The following ABCG8 variants were observed in gnomAD, a reference collection of about 807,000 sequenced individuals.
The protein encoded by ABCG8 is ATP-binding cassette sub-family G member 8.
A neutral mutation model predicts 71.3 loss-of-function variants in ABCG8; 81 were observed. That is an observed-to-expected ratio of 1.14 (90% CI 0.95 to 1.37). ABCG8 has a LOEUF of 1.37. Ranked by LOEUF, ABCG8 falls within the 40% of genes most tolerant of loss-of-function variation. The pLI, the probability that ABCG8 is intolerant of heterozygous loss-of-function variation, is 0.00. For missense variants in ABCG8, 1,119 were observed against 866.2 expected (o/e 1.29, Z -3.66); for synonymous variants, 451 against 354.7 (o/e 1.27, Z -3.05).
rs548628085 is a variant in ABCG8 at position 43,879,272 on chromosome 2, A to G, written c.*1359A>G. ...AGAGGGCAGGAGAGGATGTTCCCAA[A>G]GGAAAATTAGAGTTTAGAATCAAAA... On this transcript the variant is annotated 3_prime_UTR_variant, in exon 13 of 13. Coordinates refer to ENST00000272286, the MANE Select transcript of ABCG8 (RefSeq NM_022437.3). The G allele has an allele frequency of 7.9e-5, 12 of 152,360 alleles. No individual in the cohort carries two copies. The highest frequency in any genetic ancestry group is 1.3e-4 in the Non-Finnish European group (9 of 68,176). 9.4% of individuals were successfully genotyped at this position (152,360 alleles called of 1,614,324 possible). A position where few individuals can be genotyped will look rare whatever the true frequency, so the allele number is the denominator to read the frequency against.
At chr2:43,869,077 A>G (rs966925939) in intron 6 of ABCG8, among the ~76,000 whole-genome samples, 2 of 151,248 alleles carry the variant, frequency 1.3e-5, no homozygotes, top group Non-Finnish European at 2.9e-5. Context: ...ATCTGGATAG[A>G]ATTCTCATTC....
rs1424318278 is a variant in ABCG8, at chr2:43,846,191, C to A, written c.202C>A (p.Leu68Met). The A allele has an allele frequency of 6.2e-7, 1 of 1,613,868 alleles. No individual in the cohort carries two copies. Among genetic ancestry groups the A allele is most frequent in the African/African-American group, 1.3e-5 (1 of 74,934 alleles). ...LASQVPWFEQ[L>M]AQFKMPWTSP... ...CTCTCAGGTCCCTTGGTTTGAGCAG[C>A]TGGCTCAGTTCAAGATGCCCTGGAC... The change falls in exon 3 of 13, where the codon CTG (leucine) becomes ATG (methionine). Residue 68 changes from leucine (L) to methionine (M), a missense_variant. Transcript: ENST00000272286.
At chr2:43,867,461 A>G (rs189179812) in intron 6 of ABCG8, among the ~76,000 whole-genome samples, 1,570 of 152,286 alleles carry the variant, frequency 0.01, 12 homozygotes, top group Middle Eastern at 0.017. Context: ...CCATCTGGAT[A>G]GAACTCTCAC....
Position 43,852,878 on chromosome 2 carries a change from C to T in ABCG8, c.964+10C>T. 6.2e-7 allele frequency: 1 copy of T among 1,613,722 alleles called. No individual in the cohort carries two copies. Among genetic ancestry groups the T allele is most frequent in the South Asian group, 1.1e-5 (1 of 91,062 alleles). ...CCTGCTGACTTCTATGGTGAGTCCC[C>T]AAGGCCAGCAGCCAGGGCCCTGGCA... is the stretch of plus-strand genomic sequence containing the variant. On this transcript the variant is annotated intron_variant, in intron 6 of 12. Transcript: ENST00000272286.
intron 6 of ABCG8, among the ~76,000 whole-genome samples, chr2:43,867,954 A>G (rs1202126724): frequency 6.6e-6 from 1 of 151,642 alleles, no homozygotes; most frequent in African/African-American, 2.4e-5. Context: ...TAGAATTCTC[A>G]CCATCTGGAT....
chr2:43,844,335 C>CCT (rs1395794349), intron 1 of ABCG8, among the ~76,000 whole-genome samples, 172 bp from the exon 2 acceptor site: 1 of 152,196 alleles, frequency 6.6e-6, no homozygotes, highest in Non-Finnish European at 1.5e-5. Flanking sequence ...TGTCAGCACT[C>CCT]CTATTTTCCC....
rs1412008152 is a variant in ABCG8, at chr2:43,880,600, C to T, written c.*2687C>T. On this transcript the variant is annotated 3_prime_UTR_variant, in exon 13 of 13. Coordinates refer to ENST00000272286, the MANE Select transcript of ABCG8 (RefSeq NM_022437.3). ...GTTTTGGTGATAAGTATGCTCTTTG[C>T]TTGTGGAACATCTCTGCTCCCAGGC... 6.6e-6 allele frequency: 1 copy of T among 151,432 alleles called. No individual in the cohort carries two copies. The highest frequency in any genetic ancestry group is 6.6e-5 in the Admixed American group (1 of 15,196). 9.4% of individuals were successfully genotyped at this position (151,432 alleles called of 1,614,324 possible).
At chr2:43,871,760 C>T (rs1347264628) in intron 6 of ABCG8, among the ~76,000 whole-genome samples, 1 of 152,248 alleles carries the variant, frequency 6.6e-6, no homozygotes, top group Non-Finnish European at 1.5e-5. Flanking sequence ...GAGGCTTCTG[C>T]AGATGTGGTC....
chr2:43,856,803 G>A (rs1669125757), intron 6 of ABCG8, among the ~76,000 whole-genome samples: 1 of 151,466 alleles, frequency 6.6e-6, no homozygotes. Flanking sequence ...TATCTGGATA[G>A]AATTCTCACC....
intron 2 of ABCG8, among the ~76,000 whole-genome samples, chr2:43,845,348 C>A (rs1327111446): frequency 6.6e-6 from 1 of 151,984 alleles, no homozygotes; most frequent in African/African-American, 2.4e-5. Context: ...AGCCAATGAG[C>A]CTTTCTCTGC....
intron 10 of ABCG8, 44 bp downstream of exon 10, chr2:43,874,527 G>T: frequency 6.7e-7 from 1 of 1,487,290 alleles, no homozygotes; most frequent in Non-Finnish European, 9.4e-7. Context: ...ACCCACCAGG[G>T]TGGGGGTAAG....
intron 6 of ABCG8, among the ~76,000 whole-genome samples, chr2:43,862,273 T>A (rs1401390219): frequency 1.3e-5 from 2 of 151,338 alleles, no homozygotes; most frequent in African/African-American, 4.8e-5. Context: ...GAACTCTCAC[T>A]ATCTGGGTAG....
At chr2:43,871,673 C>G (rs1669779127) in intron 6 of ABCG8, among the ~76,000 whole-genome samples, 1 of 152,200 alleles carries the variant, frequency 6.6e-6, no homozygotes, top group Non-Finnish European at 1.5e-5. Context: ...CTAAGATGTC[C>G]TCAAAATGAG....
At chr2:43,851,989 CAA>C (rs1668934260) in intron 4 of ABCG8, among the ~76,000 whole-genome samples, 167 bp downstream of exon 4, 3 of 152,222 alleles carry the variant, frequency 2.0e-5, no homozygotes, top group Non-Finnish European at 4.4e-5. Flanking sequence ...ACCCTCCTTT[CAA>C]ACCCCACAGC....
intron 1 of ABCG8, among the ~76,000 whole-genome samples, chr2:43,844,098 C>G (rs111932804): frequency 2.7e-4 from 41 of 152,278 alleles, no homozygotes; most frequent in African/African-American, 9.9e-4. Context: ...AGATATTAAG[C>G]CAGCTGCAGG....
chr2:43,873,993 G>T lies in ABCG8; in HGVS notation c.1411+7G>T. 6.2e-7 allele frequency: 1 copy of T among 1,613,640 alleles called. No homozygotes were observed. On this transcript the variant is annotated splice_region_variant and intron_variant, in intron 9 of 12. Transcript: ENST00000272286. ...CTGGATGTCATCTCCAAATGTGAGT[G>T]TGGCCCACTGGCATGGGCAGGCAGG... is the stretch of plus-strand genomic sequence containing the variant.
At position 43,875,362 on chromosome 2, in the gene ABCG8, T is replaced by C. The variant is rs776335488; in HGVS notation, c.1705T>C (p.Ser569Pro). ...ASFFSNALYN[S>P]FYLAGGFMIN... ...CTTCTTCAGCAATGCCCTCTACAAC[T>C]CCTTCTACCTCGCCGGGGGCTTCAT... Residue 569 changes from serine to proline, a missense_variant, in exon 11 of 13, where the codon TCC becomes CCC. Transcript: ENST00000272286. 5 of 1,614,086 alleles carry C rather than the reference T, an allele frequency of 3.1e-6. No individual in the cohort carries two copies. Among genetic ancestry groups the C allele is most frequent in the Non-Finnish European group, 4.2e-6 (5 of 1,180,022 alleles).
chr2:43,858,738 C>G (rs1004842787), intron 6 of ABCG8, among the ~76,000 whole-genome samples: 8 of 118,704 alleles, frequency 6.7e-5, no homozygotes, highest in South Asian at 3.4e-4. Context: ...GGGTAGAACT[C>G]TCACTATCTG....
chr2:43,875,923 C>T (rs1272279109), intron 11 of ABCG8, among the ~76,000 whole-genome samples: 2 of 152,176 alleles, frequency 1.3e-5, no homozygotes, highest in East Asian at 3.9e-4. Flanking sequence ...GCCCCCAGCA[C>T]ACCCCACCCT....
Sources: gnomAD v4.1 joint callset for allele counts (sites outside exome capture counted in the v4.1 genomes callset) on GRCh38, gnomAD v4.1.1 for gene constraint, MANE v1.5 for transcripts, NCBI Gene and HGNC (gene_info 2026-07-23, HGNC 2026-07-21) for gene names.